Variants in HSF4 observed in about 807,000 individuals in gnomAD.
The protein encoded by HSF4 is heat shock factor protein 4.
In HSF4, 41 loss-of-function variants were observed where a neutral mutation model predicts 52.0. The ratio of observed to expected loss-of-function variants is 0.79; its 90% CI spans 0.61 to 1.02. The LOEUF is 1.02. HSF4 is among the 50% of genes least tolerant of loss of function. The pLI is 0.00. For synonymous variants in HSF4, 285 were observed against 273.0 expected (o/e 1.04, Z -0.43); for missense variants, 610 against 651.1 (o/e 0.94, Z 0.69).
At position 67,167,615 on chromosome 16, in the gene HSF4, C is replaced by A. The variant is rs776967521; in HGVS notation, c.854+16C>A. On this transcript the variant is annotated intron_variant, in intron 8 of 12. Coordinates refer to ENST00000521374, the MANE Select transcript of HSF4 (RefSeq NM_001374675.1). Reference sequence around the variant, plus strand: ...ATGGCAGGAGGTAAGGGGGACAGGGCTGCCCCTGAGGGGCCTGTGGGGGAG... The same window carrying A: ...ATGGCAGGAGGTAAGGGGGACAGGGATGCCCCTGAGGGGCCTGTGGGGGAG... The A allele has an allele frequency of 1.9e-6, 3 of 1,612,666 alleles. No individual in the cohort carries two copies. Among genetic ancestry groups the A allele is most frequent in the Admixed American group, 1.7e-5 (1 of 59,928 alleles).
At position 67,165,316 on chromosome 16, in the gene HSF4, G is replaced by T; in HGVS notation, c.124-206G>T. ...GAGTATGGAGTCAGGGTCTGGCTGG[G>T]GGTAGGGACTCACTGTGGTCGCTCC... On this transcript the variant is annotated intron_variant, in intron 1 of 12. Transcript: ENST00000521374. This position sits in a 1 kb window ranked among gnomAD's most constrained non-coding sequence, Gnocchi z 6.9. 1 of 612,414 alleles carries T rather than the reference G, an allele frequency of 1.6e-6. No individual in the cohort carries two copies. Among genetic ancestry groups the T allele is most frequent in the Non-Finnish European group, 2.9e-6 (1 of 345,708 alleles). 37.9% of individuals were successfully genotyped at this position (612,414 alleles called of 1,614,324 possible). A position where few individuals can be genotyped will look rare whatever the true frequency, so the allele number is the denominator to read the frequency against.
upstream of HSF4, chr16:67,164,614 C>T (rs893014096): frequency 4.9e-5 from 27 of 555,180 alleles, no homozygotes; most frequent in Non-Finnish European, 8.2e-5. Flanking sequence ...CCACACATCC[C>T]ATCCAGCCAG....
Position 67,169,499 on chromosome 16 carries a change from T to G in HSF4, c.1325-132T>G, listed in dbSNP as rs1187522514. On this transcript the variant is annotated intron_variant, in intron 12 of 12. Transcript: ENST00000521374. The surrounding 1 kb of genome is among the most constrained non-coding windows in gnomAD (Gnocchi z 4.3). ...CTTGAGCCACCCATGCCCTCACCAT[T>G]GGGCGAGAGTGGGGAGGTTAAGAAT... 6.3e-7 allele frequency: 1 copy of G among 1,581,908 alleles called. No homozygotes were observed. Among genetic ancestry groups the G allele is most frequent in the South Asian group, 1.1e-5 (1 of 88,796 alleles).
intron 5 of HSF4, 39 bp from the exon 6 acceptor site, chr16:67,166,519 G>A: frequency 1.2e-6 from 2 of 1,611,264 alleles, no homozygotes; most frequent in Non-Finnish European, 1.7e-6. Flanking sequence ...TGGGGGGGCT[G>A]TGTCCAAAGT....
In HSF4 at chr16:67,169,372, C is replaced by T. The variant is rs1309673508; in HGVS notation, c.1324+24C>T. On this transcript the variant is annotated intron_variant, in intron 12 of 12. Coordinates refer to ENST00000521374, the MANE Select transcript of HSF4 (RefSeq NM_001374675.1). The surrounding 1 kb of genome is among the most constrained non-coding windows in gnomAD (Gnocchi z 4.3). ...AGGTAATGGTTGTGATGACTCCTACCTGGGAGGACGCCGTGATTGGGCTGA... is the reference window on the plus strand; with the variant it reads ...AGGTAATGGTTGTGATGACTCCTACTTGGGAGGACGCCGTGATTGGGCTGA... 6.2e-7 allele frequency: 1 copy of T among 1,607,726 alleles called. No homozygotes were observed. Among genetic ancestry groups the T allele is most frequent in the African/African-American group, 1.3e-5 (1 of 74,920 alleles).
Position 67,169,009 on chromosome 16 carries a change from G to T in HSF4, c.1189-27G>T. On this transcript the variant is annotated intron_variant, in intron 10 of 12. Coordinates refer to ENST00000521374, the MANE Select transcript of HSF4 (RefSeq NM_001374675.1). The surrounding 1 kb of genome is among the most constrained non-coding windows in gnomAD (Gnocchi z 4.3). ...TAGCTCTCTGTGGAGCCTGGGGAGGGCACCACTGACCCAGAGCTCTCCTCA... is the reference window on the plus strand; with the variant it reads ...TAGCTCTCTGTGGAGCCTGGGGAGGTCACCACTGACCCAGAGCTCTCCTCA... 2 of 1,613,836 alleles carry T rather than the reference G, an allele frequency of 1.2e-6. No homozygotes were observed.
chr16:67,164,878 A>T lies in HSF4; in HGVS notation c.67A>T (p.Lys23Ter). The change falls in exon 1 of 13, where the codon AAG (lysine) becomes TAG (stop). Residue 23 changes from lysine to a stop codon, truncating the protein, a stop_gained. Transcript: ENST00000521374. LOFTEE classifies it high-confidence loss of function. The stretch of plus-strand genomic sequence containing the variant: ...CAGCCCCGTGCCTGCCTTCCTCGGC[A>T]AGCTATGGGCGCTGGTGGGGGACCC... The part of the protein sequence containing the change: ...GPSPVPAFLG[K>*]LWALVGDPGT... 6.2e-7 allele frequency: 1 copy of T among 1,607,880 alleles called. No individual in the cohort carries two copies. The highest frequency in any genetic ancestry group is 8.5e-7 in the Non-Finnish European group (1 of 1,179,096).
intron 8 of HSF4, 37 bp from the exon 9 acceptor site, chr16:67,167,683 A>G (rs779137051): frequency 3.8e-5 from 61 of 1,611,886 alleles, no homozygotes; most frequent in Non-Finnish European, 4.9e-5. Context: ...GGGAGAAGTC[A>G]GTGCCAGGGT....
Position 67,169,402 on chromosome 16 carries a change from C to G in HSF4, c.1324+54C>G, listed in dbSNP as rs2145929587. The G allele has an allele frequency of 6.3e-7, 1 of 1,590,968 alleles. No individual in the cohort carries two copies. Among genetic ancestry groups the G allele is most frequent in the East Asian group, 2.3e-5 (1 of 43,694 alleles). ...AGGACGCCGTGATTGGGCTGAGCTACCTTGATTGAGTGAGGGGGCAATCTG... is the reference window on the plus strand; with the variant it reads ...AGGACGCCGTGATTGGGCTGAGCTAGCTTGATTGAGTGAGGGGGCAATCTG... On this transcript the variant is annotated intron_variant, in intron 12 of 12. Coordinates refer to ENST00000521374, the MANE Select transcript of HSF4 (RefSeq NM_001374675.1). The surrounding 1 kb of genome is among the most constrained non-coding windows in gnomAD (Gnocchi z 4.3).
chr16:67,167,445 C>T, intron 7 of HSF4, 30 bp from the exon 8 acceptor site: 2 of 1,613,744 alleles, frequency 1.2e-6, no homozygotes, highest in Non-Finnish European at 1.7e-6. Context: ...GCCTACAGGC[C>T]AAGGGCTGGG....
chr16:67,167,565 G>A lies in HSF4; in HGVS notation c.820G>A (p.Gly274Arg), dbSNP rs1167450413. 3 of 1,613,714 alleles carry A rather than the reference G, an allele frequency of 1.9e-6. No individual in the cohort carries two copies. Among genetic ancestry groups the A allele is most frequent in the East Asian group, 4.5e-5 (2 of 44,874 alleles). The change falls in exon 8 of 13, where the codon GGG becomes AGG. Residue 274 changes from glycine to arginine, a missense_variant. Physicochemically the swap from Gly to Arg is moderately radical, Grantham distance 125 (BLOSUM62 -2). Transcript: ENST00000521374. ...DIPEDSPSPE[G>R]TRLSPSSDGR... ...CCCAGAAGACTCTCCATCCCCTGAG[G>A]GGACCAGGCTTTCTCCCTCCAGTGA... is the stretch of plus-strand genomic sequence containing the variant.
intron 6 of HSF4, 68 bp downstream of exon 6, chr16:67,166,690 C>T (rs1464488915): frequency 1.4e-6 from 2 of 1,415,126 alleles, no homozygotes; most frequent in East Asian, 2.3e-5. Context: ...TTGCAAGGAC[C>T]CCTTCTCCTC....
chr16:67,166,088 G>GT lies in HSF4; in HGVS notation c.485+18_485+19insT. 1 of 604,338 alleles carries GT rather than the reference G, an allele frequency of 1.7e-6. No homozygotes were observed. The highest frequency in any genetic ancestry group is 2.7e-6 in the Non-Finnish European group (1 of 372,684). 37.4% of individuals were successfully genotyped at this position (604,338 alleles called of 1,614,324 possible). The stretch of plus-strand genomic sequence containing the variant: ...CTCAGGCAGTGCGGGGGCGGGCGGG[G>GT]AAAGAGGGGACAGGGGTGGGGGGTT... On this transcript the variant is annotated intron_variant, in intron 4 of 12. Coordinates refer to ENST00000521374, the MANE Select transcript of HSF4 (RefSeq NM_001374675.1).
In HSF4 at chr16:67,168,936, T is replaced by C; in HGVS notation, c.1188T>C (p.Asp396=). 6.2e-7 allele frequency: 1 copy of C among 1,613,696 alleles called. No individual in the cohort carries two copies. Residue 396 remains aspartate, a splice_region_variant and synonymous_variant, in exon 10 of 13, where the codon GAT becomes GAC. Transcript: ENST00000521374. ...QESVEPAGPL[D]VLGPSLQGRE... is the part of the protein sequence containing the mutation. ...GTGTGGAACCTGCAGGGCCTCTAGA[T>C]GTGAGTACCCCTTCTGCTGAAACAG...
intron 9 of HSF4, 44 bp downstream of exon 9, chr16:67,167,991 G>A: frequency 7.1e-7 from 1 of 1,412,402 alleles, no homozygotes; most frequent in Middle Eastern, 1.7e-4. Context: ...TGATAGAACA[G>A]CCCTTACCAG....
At chr16:67,163,993 C>G (rs1321200644), upstream of HSF4, 1 of 922,162 alleles carries the variant, frequency 1.1e-6, no homozygotes. Context: ...CGCCCTGAGA[C>G]CACTCGCTGC....
Position 67,165,106 on chromosome 16 carries a change from C to A in HSF4, c.123+172C>A. The A allele has an allele frequency of 1.4e-6, 1 of 732,100 alleles. No individual in the cohort carries two copies. The highest frequency in any genetic ancestry group is 2.2e-6 in the Non-Finnish European group (1 of 458,412). The allele number at this position is 732,100 out of a possible 1,614,324, so 45.4% of individuals were successfully genotyped here. The stretch of plus-strand genomic sequence containing the variant: ...GCGAGAGGGGGGTTTCCTCTGCGGC[C>A]GAAGAAGGGTTAGGAGCCTGCCTTC... On this transcript the variant is annotated intron_variant, in intron 1 of 12. Transcript: ENST00000521374. This position sits in a 1 kb window ranked among gnomAD's most constrained non-coding sequence, Gnocchi z 6.9.
chr16:67,167,656 A>C, intron 8 of HSF4, 57 bp downstream of exon 8: 1 of 1,612,284 alleles, frequency 6.2e-7, no homozygotes, highest in African/African-American at 1.3e-5. Flanking sequence ...GGCAGCCCAG[A>C]TGGCTGTAGG....
chr16:67,169,287 C>G lies in HSF4; in HGVS notation c.1263C>G (p.Pro421=). ...CTGCGGTTCTCACGCAGATGCAGCC[C>G]TTGGTTCCAGAGCGGGGTGAGCCTG... is the stretch of plus-strand genomic sequence containing the variant. The part of the protein sequence containing the change: ...DLDMELSLMQ[P]LVPERGEPEL... The change falls in exon 12 of 13, where the codon CCC becomes CCG. Residue 421 remains proline (P), a synonymous_variant. Coordinates refer to ENST00000521374, the MANE Select transcript of HSF4 (RefSeq NM_001374675.1). The surrounding 1 kb of genome is among the most constrained non-coding windows in gnomAD (Gnocchi z 4.3). The G allele has an allele frequency of 6.2e-7, 1 of 1,613,630 alleles. No homozygotes were observed. The highest frequency in any genetic ancestry group is 8.5e-7 in the Non-Finnish European group (1 of 1,179,980).
Sources: gnomAD v4.1 joint callset for allele counts on GRCh38, gnomAD v4.1.1 for gene constraint, Gnocchi (gnomAD v3.1) non-coding constraint, MANE v1.5 for transcripts, NCBI Gene and HGNC (gene_info 2026-07-23, HGNC 2026-07-21) for gene names.